The following ANXA4 variants were observed in gnomAD, a reference collection of about 807,000 sequenced individuals.
ANXA4 encodes the protein 35-beta calcimedin.
A neutral mutation model predicts 49.8 loss-of-function variants in ANXA4; 39 were observed. That is an observed-to-expected ratio of 0.78 (90% CI 0.61 to 1.02). ANXA4 has a LOEUF of 1.02. Ranked by LOEUF, ANXA4 falls within the 50% of genes least tolerant of loss-of-function variation. The probability of loss-of-function intolerance (pLI) is 0.00; values close to 1 mark genes in which losing one functional copy is unlikely to be tolerated. For synonymous variants in ANXA4, 134 were observed against 152.5 expected (o/e 0.88, Z 0.89); for missense variants, 360 against 410.1 (o/e 0.88, Z 1.05).
At chr2:69,746,029 C>G (rs990157416) in intron 1 of ANXA4, among the ~76,000 whole-genome samples, 1 of 150,640 alleles carries the variant, frequency 6.6e-6, no homozygotes, top group African/African-American at 2.4e-5. Context: ...TGTTTGTTTT[C>G]GAGGCAGAAT....
intron 1 of ANXA4, among the ~76,000 whole-genome samples, chr2:69,647,833 A>G (rs1334279551): frequency 1.3e-5 from 2 of 152,220 alleles, no homozygotes; most frequent in Non-Finnish European, 2.9e-5. Flanking sequence ...CTGAGATTAC[A>G]GATGTGAGCC....
At chr2:69,672,918 C>G (rs915162535) in intron 2 of ANXA4, among the ~76,000 whole-genome samples, 1 of 151,702 alleles carries the variant, frequency 6.6e-6, no homozygotes, top group Non-Finnish European at 1.5e-5. Context: ...AAAAAAAAAG[C>G]TCATCGTCAC....
At chr2:69,751,258 G>A (rs766796512) in intron 1 of ANXA4, among the ~76,000 whole-genome samples, 11 of 152,072 alleles carry the variant, frequency 7.2e-5, no homozygotes, top group Non-Finnish European at 1.3e-4. Flanking sequence ...AGCCGCAGTG[G>A]CTCATGCTTG....
chr2:69,821,146 C>G (rs1420098248), intron 12 of ANXA4, among the ~76,000 whole-genome samples: 1 of 152,180 alleles, frequency 6.6e-6, no homozygotes, highest in East Asian at 1.9e-4. Context: ...GAGTCCTAGG[C>G]AGGGGCCAGC....
intron 1 of ANXA4, among the ~76,000 whole-genome samples, chr2:69,751,928 T>G (rs1001781909): frequency 4.6e-5 from 7 of 152,198 alleles, no homozygotes; most frequent in African/African-American, 1.7e-4. Flanking sequence ...TGAAACACAC[T>G]GACTCAGGGA....
intron 1 of ANXA4, among the ~76,000 whole-genome samples, chr2:69,758,935 C>T (rs937416077): frequency 1.3e-5 from 2 of 151,980 alleles, no homozygotes; most frequent in Admixed American, 6.6e-5. Context: ...TAGTTCAAGA[C>T]CCGTCTTGGC....
intron 6 of ANXA4, chr2:69,809,879 C>G (rs1673624085): frequency 6.6e-6 from 1 of 152,244 alleles, no homozygotes; most frequent in Non-Finnish European, 1.5e-5. Flanking sequence ...AACCCCAGCC[C>G]CACCTCAAAG....
At chr2:69,732,124 C>T (rs1670119542) in intron 3 of ANXA4, among the ~76,000 whole-genome samples, 1 of 151,506 alleles carries the variant, frequency 6.6e-6, no homozygotes, top group Admixed American at 6.6e-5. Flanking sequence ...ACTACAGGCG[C>T]CCGCCACCAC....
Position 69,825,489 on chromosome 2 carries a change from C to G in ANXA4, c.940C>G (p.Leu314Val). ...ATCTGGAGACTACAGGAAAGTACTG[C>G]TTGTTCTCTGTGGAGGAGATGATTA... ...DTSGDYRKVL[L>V]VLCGGDD The change falls in exon 13 of 13, where the codon CTT becomes GTT. Residue 314 changes from leucine to valine, a missense_variant. Physicochemically the swap from Leu to Val is conservative, Grantham distance 32. Coordinates refer to ENST00000394295, the MANE Select transcript of ANXA4 (RefSeq NM_001153.5). 1 of 1,609,668 alleles carries G rather than the reference C, an allele frequency of 6.2e-7. No individual in the cohort carries two copies. The highest frequency in any genetic ancestry group is 1.1e-5 in the South Asian group (1 of 90,296).
At chr2:69,766,763 A>G (rs1671509262) in intron 1 of ANXA4, among the ~76,000 whole-genome samples, 1 of 152,162 alleles carries the variant, frequency 6.6e-6, no homozygotes, top group South Asian at 2.1e-4. Flanking sequence ...GTCAGCTGAC[A>G]GAACCTAACA....
At chr2:69,722,557 C>T (rs1559111507) in intron 3 of ANXA4, among the ~76,000 whole-genome samples, 2 of 150,962 alleles carry the variant, frequency 1.3e-5, no homozygotes, top group Non-Finnish European at 2.9e-5. Context: ...TATAAAATAT[C>T]GGGAACAGGC....
At chr2:69,817,490 A>G (rs892358254) in intron 9 of ANXA4, 1 of 152,172 alleles carries the variant, frequency 6.6e-6, no homozygotes, top group African/African-American at 2.4e-5. Context: ...AAATGTGTCA[A>G]TTAAGTTCTT....
At chr2:69,672,555 A>G (rs1677230311) in intron 2 of ANXA4, among the ~76,000 whole-genome samples, 1 of 152,166 alleles carries the variant, frequency 6.6e-6, no homozygotes, top group African/African-American at 2.4e-5. Flanking sequence ...AAACAATATT[A>G]TGTATCTAAT....
chr2:69,707,985 T>C (rs1678551029), intron 2 of ANXA4, among the ~76,000 whole-genome samples: 1 of 152,240 alleles, frequency 6.6e-6, no homozygotes, highest in African/African-American at 2.4e-5. Flanking sequence ...ACTGGTTTGT[T>C]CCACTCAGCA....
chr2:69,762,751 C>T (rs969387038), intron 1 of ANXA4, among the ~76,000 whole-genome samples: 3 of 152,138 alleles, frequency 2.0e-5, no homozygotes, highest in Non-Finnish European at 4.4e-5. Flanking sequence ...ATGGGCCTAC[C>T]TCACAGCTCC....
At position 69,781,451 on chromosome 2, in the gene ANXA4, G is replaced by A. The variant is rs963400547; in HGVS notation, c.-46-69G>A. ...TGGCTTAGCTTCATGCAAACTGCAA[G>A]TTATCCTGATTAATGATTTTAATGC... On this transcript the variant is annotated intron_variant, in intron 1 of 12. Coordinates refer to ENST00000394295, the MANE Select transcript of ANXA4 (RefSeq NM_001153.5). 3.5e-5 allele frequency: 47 copies of A among 1,342,978 alleles called. No individual in the cohort carries two copies. In the Admixed American group the frequency reaches 6.5e-4, roughly 19 times the overall value. 83.2% of individuals were successfully genotyped at this position (1,342,978 alleles called of 1,614,324 possible).
At chr2:69,661,770 T>TA (rs147996146) in intron 2 of ANXA4, among the ~76,000 whole-genome samples, 1,524 of 152,138 alleles carry the variant, frequency 0.01, 20 homozygotes, top group African/African-American at 0.033. Flanking sequence ...TTGCACTGGA[T>TA]ACGTCTGAAA....
intron 2 of ANXA4, chr2:69,700,309 G>T (rs990795761): frequency 6.6e-6 from 1 of 152,166 alleles, no homozygotes; most frequent in African/African-American, 2.4e-5. Flanking sequence ...TTGAGCCCAG[G>T]AGTTGGAGGC....
intron 3 of ANXA4, among the ~76,000 whole-genome samples, chr2:69,733,240 T>C (rs761912889): frequency 3.3e-5 from 5 of 152,218 alleles, no homozygotes; most frequent in African/African-American, 4.8e-5. Context: ...TGAAGAATTA[T>C]TGGTGTTAAG....
Sources: gnomAD v4.1 joint callset for allele counts (sites outside exome capture counted in the v4.1 genomes callset) on GRCh38, gnomAD v4.1.1 for gene constraint, MANE v1.5 for transcripts, NCBI Gene and HGNC (gene_info 2026-07-23, HGNC 2026-07-21) for gene names.